The following STXBP5L variants were observed in gnomAD, a reference collection of about 807,000 sequenced individuals.
STXBP5L encodes syntaxin binding protein 5L, also known as syntaxin-binding protein 5-like.
STXBP5L carries 65 observed loss-of-function variants against 144.5 expected under a neutral mutation model. The observed-to-expected ratio is 0.45, with a 90% CI of 0.37 to 0.55. The LOEUF (loss-of-function observed/expected upper bound fraction) is 0.55, where lower values mean the gene tolerates loss of function less well. Ranked by LOEUF, STXBP5L falls within the 20% of genes least tolerant of loss-of-function variation. The pLI, the probability that STXBP5L is intolerant of heterozygous loss-of-function variation, is 0.00. For missense variants in STXBP5L, 1,298 were observed against 1,405.5 expected (o/e 0.92, Z 1.22); for synonymous variants, 505 against 469.6 (o/e 1.08, Z -0.97).
intron 19 of STXBP5L, among the ~76,000 whole-genome samples, chr3:121,306,007 A>G (rs531963914): frequency 6.6e-6 from 1 of 152,308 alleles, no homozygotes; most frequent in South Asian, 2.1e-4. Flanking sequence ...AATGAACTTT[A>G]AAAAAATACC....
chr3:121,087,043 A>G (rs1233199774), intron 5 of STXBP5L, among the ~76,000 whole-genome samples: 1 of 152,062 alleles, frequency 6.6e-6, no homozygotes. Context: ...TACTCAGAGA[A>G]AATATTTTAT....
At chr3:121,403,401 A>G (rs1418406273) in intron 22 of STXBP5L, among the ~76,000 whole-genome samples, 3 of 152,272 alleles carry the variant, frequency 2.0e-5, no homozygotes, top group East Asian at 3.9e-4. Flanking sequence ...ACTAGACTCC[A>G]CTTATATACT....
intron 20 of STXBP5L, among the ~76,000 whole-genome samples, chr3:121,367,656 T>G (rs183420219): frequency 4.4e-4 from 60 of 136,948 alleles, no homozygotes; most frequent in Admixed American, 7.8e-4. Flanking sequence ...CAGAATAGAA[T>G]GTAGTGGCCT....
At chr3:121,413,950 G>A (rs189915230) in intron 24 of STXBP5L, among the ~76,000 whole-genome samples, 20 of 152,100 alleles carry the variant, frequency 1.3e-4, no homozygotes, top group African/African-American at 3.4e-4. Flanking sequence ...TGAACTATTC[G>A]AGTTGTATTT....
chr3:120,941,730 A>G (rs891993466), intron 2 of STXBP5L, among the ~76,000 whole-genome samples: 5 of 151,740 alleles, frequency 3.3e-5, no homozygotes, highest in African/African-American at 1.2e-4. Flanking sequence ...ACTACCTATT[A>G]ATATTTAATC....
intron 7 of STXBP5L, among the ~76,000 whole-genome samples, chr3:121,126,952 C>CTGGGAAGAG (rs2107875625): frequency 6.6e-6 from 1 of 152,290 alleles, no homozygotes; most frequent in East Asian, 1.9e-4. Context: ...GCCTCTTTCT[C>CTGGGAAGAG]ACCACAACTG....
intron 5 of STXBP5L, among the ~76,000 whole-genome samples, chr3:121,105,257 G>A (rs1354322059): frequency 6.6e-6 from 1 of 152,032 alleles, no homozygotes; most frequent in Non-Finnish European, 1.5e-5. Flanking sequence ...TTAGCTGGGT[G>A]TGGTGGCGTG....
chr3:121,026,834 C>T (rs541426100), intron 3 of STXBP5L, among the ~76,000 whole-genome samples: 1 of 151,638 alleles, frequency 6.6e-6, no homozygotes, highest in Non-Finnish European at 1.5e-5. Flanking sequence ...TACCCTAAAA[C>T]TTAAAGTATT....
intron 5 of STXBP5L, among the ~76,000 whole-genome samples, chr3:121,073,070 T>G (rs1440813950): frequency 2.0e-5 from 3 of 152,254 alleles, no homozygotes; most frequent in African/African-American, 7.2e-5. Flanking sequence ...CCAGCCCGTC[T>G]GACACCTTCA....
At chr3:121,344,037 G>T (rs1358325629) in intron 20 of STXBP5L, among the ~76,000 whole-genome samples, 1 of 152,002 alleles carries the variant, frequency 6.6e-6, no homozygotes, top group Non-Finnish European at 1.5e-5. Context: ...CATGGTACTG[G>T]TACCAAAACA....
intron 20 of STXBP5L, among the ~76,000 whole-genome samples, chr3:121,376,386 A>G (rs543707102): frequency 6.6e-5 from 10 of 152,128 alleles, no homozygotes; most frequent in Admixed American, 1.3e-4. Flanking sequence ...TGAGTCTTTA[A>G]TCCATCTGGA....
chr3:121,202,914 TG>T (rs974560124), intron 9 of STXBP5L, among the ~76,000 whole-genome samples: 36 of 152,190 alleles, frequency 2.4e-4, no homozygotes, highest in Middle Eastern at 6.8e-3. Flanking sequence ...GCATAGATAA[TG>T]TTTTTTTCAA....
intron 2 of STXBP5L, among the ~76,000 whole-genome samples, chr3:120,936,480 A>G (rs1710269491): frequency 6.6e-6 from 1 of 152,194 alleles, no homozygotes; most frequent in African/African-American, 2.4e-5. Context: ...ATTGGGGTCA[A>G]GCTGTGATTG....
chr3:121,095,719 C>T (rs546982179), intron 5 of STXBP5L, among the ~76,000 whole-genome samples: 19 of 152,200 alleles, frequency 1.2e-4, no homozygotes, highest in Middle Eastern at 3.4e-3. Context: ...AACTTCTTTG[C>T]GATGGGTTCG....
chr3:121,088,338 G>A (rs1297293053), intron 5 of STXBP5L, among the ~76,000 whole-genome samples: 7 of 110,550 alleles, frequency 6.3e-5, no homozygotes, highest in African/African-American at 1.1e-4. Flanking sequence ...AACACATGAA[G>A]AAATGCTCAT....
chr3:120,930,871 C>T (rs1709896111), intron 2 of STXBP5L, among the ~76,000 whole-genome samples: 1 of 152,080 alleles, frequency 6.6e-6, no homozygotes, highest in African/African-American at 2.4e-5. Flanking sequence ...ACTCCTTTGT[C>T]ATATATTAAG....
intron 10 of STXBP5L, among the ~76,000 whole-genome samples, chr3:121,208,404 G>A (rs1363359786): frequency 6.6e-6 from 1 of 152,038 alleles, no homozygotes; most frequent in African/African-American, 2.4e-5. Flanking sequence ...AATGGGTGCA[G>A]CACACCAACA....
chr3:121,015,132 G>A (rs1945051789), intron 3 of STXBP5L, among the ~76,000 whole-genome samples: 1 of 152,056 alleles, frequency 6.6e-6, no homozygotes, highest in Admixed American at 6.6e-5. Context: ...TCTCAGCATG[G>A]TTTGTTGTTT....
intron 3 of STXBP5L, among the ~76,000 whole-genome samples, chr3:121,023,915 C>G (rs1423143557): frequency 6.6e-6 from 1 of 152,038 alleles, no homozygotes; most frequent in Admixed American, 6.6e-5. Context: ...ACCACCACCC[C>G]CAGCTAATTT....
Sources: gnomAD v4.1 joint callset for allele counts (sites outside exome capture counted in the v4.1 genomes callset) on GRCh38, gnomAD v4.1.1 for gene constraint, MANE v1.5 for transcripts, NCBI Gene and HGNC (gene_info 2026-07-23, HGNC 2026-07-21) for gene names.